PPFIA3: variants seen among roughly 807,000 people sequenced by gnomAD.
The protein encoded by PPFIA3 is liprin-alpha-3.
Under a neutral mutation model 145.8 loss-of-function variants are expected in PPFIA3, and 26 were observed. The ratio of observed to expected loss-of-function variants is 0.18; its 90% CI spans 0.13 to 0.25. The LOEUF (loss-of-function observed/expected upper bound fraction) is 0.25, where lower values mean the gene tolerates loss of function less well. Ranked by LOEUF, PPFIA3 falls within the 10% of genes least tolerant of loss-of-function variation. PPFIA3 has a pLI of 1.00. For missense variants in PPFIA3, 1,008 were observed against 1,587.8 expected, an observed-to-expected ratio of 0.63 and a Z score of 6.21; for synonymous variants, 645 against 661.4, an observed-to-expected ratio of 0.98 and a Z score of 0.38.
chr19:49,124,535 TTA>T (rs1192410640), intron 1 of PPFIA3, among the ~76,000 whole-genome samples: 1 of 152,196 alleles, frequency 6.6e-6, no homozygotes, highest in Non-Finnish European at 1.5e-5. Flanking sequence ...TGGTTCTAGA[TTA>T]TAGGCTTCAG....
Position 49,128,623 on chromosome 19 carries a change from C to A in PPFIA3, c.342+155C>A. On this transcript the variant is annotated intron_variant, in intron 3 of 29. Coordinates refer to ENST00000334186, the MANE Select transcript of PPFIA3 (RefSeq NM_003660.4). This position sits in a 1 kb window ranked among gnomAD's most constrained non-coding sequence, Gnocchi z 4.1. ...TCCCTGCTCCCACTTCCTGGCTGGT[C>A]TCCCACTCTGGTGCCACTCCTTCCT... 1 of 795,096 alleles carries A rather than the reference C, an allele frequency of 1.3e-6. No individual in the cohort carries two copies. Among genetic ancestry groups the A allele is most frequent in the Non-Finnish European group, 2.0e-6 (1 of 497,886 alleles). 49.3% of individuals were successfully genotyped at this position (795,096 alleles called of 1,614,324 possible).
intron 15 of PPFIA3, among the ~76,000 whole-genome samples, chr19:49,137,660 T>TAAAAAAAAAAAAAAAA (rs1325560140): frequency 2.6e-4 from 15 of 57,450 alleles, no homozygotes; most frequent in Non-Finnish European, 4.4e-4. Context: ...AAAAAAAAAG[T>TAAAAAAAAAAAAAAAA]CCCCAACTTA....
In PPFIA3 at chr19:49,142,881, G is replaced by C; in HGVS notation, c.2622G>C (p.Leu874=). The C allele has an allele frequency of 6.2e-7, 1 of 1,613,964 alleles. No individual in the cohort carries two copies. The highest frequency in any genetic ancestry group is 2.2e-5 in the East Asian group (1 of 44,842). ...AGAGCGGTGCCATCATGGCCAACCT[G>C]TCAGACACGGAGATCCAGCGCGAGA... ...NVKSGAIMAN[L]SDTEIQREIG... is the part of the protein sequence containing the mutation. The change falls in exon 21 of 30, where the codon CTG becomes CTC. Residue 874 remains leucine (L), a synonymous_variant. Transcript: ENST00000334186.
chr19:49,141,609 T>C, intron 19 of PPFIA3, 96 bp downstream of exon 19: 1 of 986,476 alleles, frequency 1.0e-6, no homozygotes. Context: ...TGAGTGTGTG[T>C]GTGTGTGAGA....
At chr19:49,147,422 A>T (rs972117173) in intron 23 of PPFIA3, among the ~76,000 whole-genome samples, 3 of 152,090 alleles carry the variant, frequency 2.0e-5, no homozygotes, top group African/African-American at 7.2e-5. Flanking sequence ...GCGGTGGCTC[A>T]TGCCTGTAAT....
intron 15 of PPFIA3, among the ~76,000 whole-genome samples, chr19:49,137,656 A>AAAAAAAAAAAAAAAAAAC: frequency 7.9e-6 from 1 of 126,940 alleles, no homozygotes; most frequent in Non-Finnish European, 1.7e-5. Context: ...AAAAAAAAAA[A>AAAAAAAAAAAAAAAAAAC]AAGTCCCCAA....
At position 49,149,534 on chromosome 19, in the gene PPFIA3, C is replaced by T; in HGVS notation, c.3355-13C>T. 1 of 1,613,984 alleles carries T rather than the reference C, an allele frequency of 6.2e-7. No homozygotes were observed. Among genetic ancestry groups the T allele is most frequent in the Non-Finnish European group, 8.5e-7 (1 of 1,179,952 alleles). ...CAGGAGTCCCTCACCGGCTGTCCGG[C>T]TCCTATACCTAGGACAGCGCCAAGT... On this transcript the variant is annotated splice_polypyrimidine_tract_variant and intron_variant, in intron 27 of 29. Transcript: ENST00000334186. This position sits in a 1 kb window ranked among gnomAD's most constrained non-coding sequence, Gnocchi z 5.7.
At chr19:49,134,288 GA>G in intron 11 of PPFIA3, 123 bp downstream of exon 11, 1 of 1,326,414 alleles carries the variant, frequency 7.5e-7, no homozygotes, top group Non-Finnish European at 1.0e-6. Context: ...CCGGCATCCT[GA>G]GTTGGGCAGC....
chr19:49,133,376 G>T lies in PPFIA3; in HGVS notation c.1161+5G>T, dbSNP rs2287761. 1.7e-4 allele frequency: 264 copies of T among 1,597,212 alleles called. No homozygotes were observed. Among genetic ancestry groups the T allele is most frequent in the Non-Finnish European group, 1.1e-4 (126 of 1,172,464 alleles). On this transcript the variant is annotated splice_donor_5th_base_variant and intron_variant, in intron 9 of 29. Coordinates refer to ENST00000334186, the MANE Select transcript of PPFIA3 (RefSeq NM_003660.4). The surrounding 1 kb of genome is among the most constrained non-coding windows in gnomAD (Gnocchi z 7.2). ...CGCGTGGCGGCGCTCAACAAGGTGC[G>T]GGGAGGACTCGGGTCGGGGCCTTGC...
chr19:49,126,341 C>T (rs28682918), intron 1 of PPFIA3, among the ~76,000 whole-genome samples: 4 of 151,872 alleles, frequency 2.6e-5, no homozygotes, highest in Middle Eastern at 3.4e-3. Context: ...CTCCACCTCC[C>T]GGGTTCAAGC....
At chr19:49,125,942 TG>T (rs1315602151) in intron 1 of PPFIA3, among the ~76,000 whole-genome samples, 3 of 147,606 alleles carry the variant, frequency 2.0e-5, no homozygotes, top group African/African-American at 7.8e-5. Flanking sequence ...TGTTTTTTTT[TG>T]TTTGTTTGTT....
chr19:49,148,183 TG>T lies in PPFIA3; in HGVS notation c.2938del (p.Asp980ThrfsTer5), dbSNP rs1157621403. 1 of 1,614,226 alleles carries T rather than the reference TG, an allele frequency of 6.2e-7. No homozygotes were observed. The highest frequency in any genetic ancestry group is 1.3e-5 in the African/African-American group (1 of 75,064). ...CGCAGCTACTTCATGGAGTCGCTGG[TG>T]GACGCTCGAATGTTAGATCACCTTA... ...QYRSYFMESL[V>X]DARMLDHLNK... On this transcript the variant is annotated frameshift_variant, in exon 24 of 30. Transcript: ENST00000334186. LOFTEE classifies it high-confidence loss of function.
Position 49,133,191 on chromosome 19 carries a change from C to T in PPFIA3, c.1026+44C>T. The T allele has an allele frequency of 4.4e-6, 7 of 1,585,256 alleles. No homozygotes were observed. The highest frequency in any genetic ancestry group is 5.2e-6 in the Non-Finnish European group (6 of 1,164,308). ...GGGGCGATGGGGGCGGTGCCGGGGC[C>T]CAAGTGACCCAGCCCGTCCCCTCCC... is the stretch of plus-strand genomic sequence containing the variant. On this transcript the variant is annotated intron_variant, in intron 8 of 29. Transcript: ENST00000334186. The surrounding 1 kb of genome is among the most constrained non-coding windows in gnomAD (Gnocchi z 7.2).
intron 23 of PPFIA3, 42 bp downstream of exon 23, chr19:49,146,234 T>A: frequency 6.2e-7 from 1 of 1,606,454 alleles, no homozygotes; most frequent in Non-Finnish European, 8.5e-7. Context: ...GAACAGGCTG[T>A]GCACGACGCA....
Position 49,120,684 on chromosome 19 carries a change from T to C in PPFIA3, c.-16+962T>C, listed in dbSNP as rs897102020. Among the ~76,000 whole-genome samples, 3 of 152,152 alleles carry C rather than the reference T, an allele frequency of 2.0e-5. No homozygotes were observed. Among genetic ancestry groups the C allele is most frequent in the Admixed American group, 6.5e-5 (1 of 15,272 alleles). ...ACTCAGGCGCCATGACTCCTTTCCTTTGGGGGACCCGGAATGTGATTCTCA... is the reference window on the plus strand; with the variant it reads ...ACTCAGGCGCCATGACTCCTTTCCTCTGGGGGACCCGGAATGTGATTCTCA... On this transcript the variant is annotated intron_variant, in intron 1 of 29. Coordinates refer to ENST00000334186, the MANE Select transcript of PPFIA3 (RefSeq NM_003660.4). The surrounding 1 kb of genome is among the most constrained non-coding windows in gnomAD (Gnocchi z 4.6).
At chr19:49,131,334 AATTTT>A (rs2041069070) in intron 7 of PPFIA3, among the ~76,000 whole-genome samples, 2 of 74,568 alleles carry the variant, frequency 2.7e-5, no homozygotes, top group Admixed American at 1.4e-4. Context: ...ACACCTGGCT[AATTTT>A]TTTTTTTTTT....
At position 49,148,822 on chromosome 19, in the gene PPFIA3, G is replaced by A. The variant is rs2041308581; in HGVS notation, c.3109+59G>A. On this transcript the variant is annotated intron_variant, in intron 25 of 29. Coordinates refer to ENST00000334186, the MANE Select transcript of PPFIA3 (RefSeq NM_003660.4). ...GGTGGAGGGCGTGGAGCTGGATGGG[G>A]AGGAGAGGGGGTAGGGGGAGACCGG... 7.1e-6 allele frequency: 11 copies of A among 1,556,276 alleles called. No individual in the cohort carries two copies. The South Asian group carries it at 1.0e-4, about 14-fold the overall frequency.
At chr19:49,144,145 G>T (rs1324838932) in intron 21 of PPFIA3, among the ~76,000 whole-genome samples, 1 of 151,842 alleles carries the variant, frequency 6.6e-6, no homozygotes, top group Non-Finnish European at 1.5e-5. Context: ...CGAGTAGCTG[G>T]GATTATAGGC....
intron 1 of PPFIA3, among the ~76,000 whole-genome samples, chr19:49,121,833 C>T (rs759129013): frequency 1.3e-5 from 2 of 151,850 alleles, no homozygotes; most frequent in Non-Finnish European, 2.9e-5. Flanking sequence ...ATGGGGGTTT[C>T]GCCATGTTGC....
Sources: gnomAD v4.1 joint callset for allele counts (sites outside exome capture counted in the v4.1 genomes callset) on GRCh38, gnomAD v4.1.1 for gene constraint, Gnocchi (gnomAD v3.1) non-coding constraint, MANE v1.5 for transcripts, NCBI Gene and HGNC (gene_info 2026-07-23, HGNC 2026-07-21) for gene names.